GSR: variants seen among roughly 807,000 people sequenced by gnomAD.
GSR encodes the protein glutathione reductase, mitochondrial.
A neutral mutation model predicts 56.5 loss-of-function variants in GSR; 48 were observed. That is an observed-to-expected ratio of 0.85 (90% CI 0.67 to 1.08). GSR has a LOEUF of 1.08. Ranked by LOEUF, GSR falls within the 50% of genes least tolerant of loss-of-function variation. The pLI is 0.00. For synonymous variants in GSR, 264 were observed against 270.8 expected (o/e 0.97, Z 0.25); for missense variants, 694 against 703.3 (o/e 0.99, Z 0.15).
intron 9 of GSR, among the ~76,000 whole-genome samples, chr8:30,686,553 G>A (rs770129807): frequency 1.3e-5 from 2 of 151,930 alleles, no homozygotes; most frequent in African/African-American, 2.4e-5. Flanking sequence ...CAGGTGTGGT[G>A]GACCACGCCT....
chr8:30,696,316 A>C lies in GSR; in HGVS notation c.795+64T>G. ...CACCCTAGTATTTAACGACAACATAAGAAAAAATTCTTCATTTTTTAAATT... is the reference window on the plus strand; with the variant it reads ...CACCCTAGTATTTAACGACAACATACGAAAAAATTCTTCATTTTTTAAATT... On this transcript the variant is annotated intron_variant, in intron 7 of 12. Transcript: ENST00000221130. The C allele has an allele frequency of 4.4e-6, 5 of 1,137,518 alleles. No individual in the cohort carries two copies. In the Admixed American group the frequency reaches 8.4e-5, roughly 19 times the overall value. 70.5% of individuals were successfully genotyped at this position (1,137,518 alleles called of 1,614,324 possible).
At chr8:30,682,541 T>A (rs999152285) in intron 10 of GSR, among the ~76,000 whole-genome samples, 2 of 152,220 alleles carry the variant, frequency 1.3e-5, no homozygotes, top group Non-Finnish European at 2.9e-5. Context: ...ATTATATATA[T>A]GCAAATATTC....
chr8:30,687,844 T>A (rs758216278), intron 9 of GSR, among the ~76,000 whole-genome samples: 1 of 152,206 alleles, frequency 6.6e-6, no homozygotes. Context: ...TTACTTTGCA[T>A]GCACTTTTTC....
intron 6 of GSR, among the ~76,000 whole-genome samples, chr8:30,699,106 C>T (rs970967551): frequency 2.6e-5 from 4 of 151,936 alleles, no homozygotes; most frequent in African/African-American, 9.7e-5. Context: ...GACAACAGAA[C>T]GAGACCCCAT....
chr8:30,703,060 C>A (rs1276675450), intron 5 of GSR, 33 bp downstream of exon 5: 2 of 1,608,542 alleles, frequency 1.2e-6, no homozygotes, highest in Non-Finnish European at 1.7e-6. Flanking sequence ...AAACTCCTGA[C>A]TGCTGTTAAT....
intron 3 of GSR, among the ~76,000 whole-genome samples, chr8:30,709,381 G>C (rs1804028518): frequency 6.6e-6 from 1 of 151,976 alleles, no homozygotes; most frequent in Non-Finnish European, 1.5e-5. Context: ...CAAACAAAAA[G>C]GAATGAGGTT....
intron 7 of GSR, among the ~76,000 whole-genome samples, chr8:30,695,686 T>C (rs534857540): frequency 2.0e-5 from 3 of 152,334 alleles, no homozygotes; most frequent in Admixed American, 6.5e-5. Flanking sequence ...GTAAATTGTT[T>C]AGAATGAGTG....
chr8:30,726,294 C>T (rs1804721723), intron 1 of GSR, among the ~76,000 whole-genome samples: 1 of 152,100 alleles, frequency 6.6e-6, no homozygotes, highest in African/African-American at 2.4e-5. Flanking sequence ...ACACAGAAGC[C>T]CATCCCTGTC....
At chr8:30,684,959 T>C (rs1408793228) in intron 9 of GSR, among the ~76,000 whole-genome samples, 1 of 147,162 alleles carries the variant, frequency 6.8e-6, no homozygotes, top group Admixed American at 6.9e-5. Context: ...ATTTATTTAT[T>C]TATTTATTTA....
intron 3 of GSR, among the ~76,000 whole-genome samples, chr8:30,709,129 G>A (rs1329315483): frequency 2.6e-5 from 4 of 152,074 alleles, no homozygotes; most frequent in South Asian, 4.1e-4. Flanking sequence ...AGGCTGAGGC[G>A]GGAGGATCAC....
chr8:30,705,409 C>T (rs1803887213), intron 4 of GSR, among the ~76,000 whole-genome samples: 1 of 152,078 alleles, frequency 6.6e-6, no homozygotes. Context: ...AATACAGGCG[C>T]CCGCCACCAC....
At chr8:30,699,250 C>G (rs1803648210) in intron 6 of GSR, among the ~76,000 whole-genome samples, 1 of 151,912 alleles carries the variant, frequency 6.6e-6, no homozygotes, top group Non-Finnish European at 1.5e-5. Flanking sequence ...ATGATGGCAC[C>G]ACTGCACTCC....
intron 1 of GSR, 21 bp downstream of exon 1, chr8:30,727,509 G>A: frequency 6.5e-7 from 1 of 1,534,236 alleles, no homozygotes; most frequent in Non-Finnish European, 8.7e-7. Context: ...CCCCCCGCCC[G>A]AACAAACCGG....
chr8:30,701,332 GGC>G (rs912802038), intron 5 of GSR, among the ~76,000 whole-genome samples: 1 of 152,090 alleles, frequency 6.6e-6, no homozygotes, highest in African/African-American at 2.4e-5. Context: ...TGAGTGTGGT[GGC>G]GCATGCCTGT....
intron 1 of GSR, among the ~76,000 whole-genome samples, chr8:30,722,596 TG>T (rs1458099059): frequency 2.0e-5 from 3 of 151,848 alleles, no homozygotes; most frequent in Admixed American, 6.6e-5. Context: ...GGCATGGTGG[TG>T]GCCATGTGCC....
chr8:30,703,100 C>G lies in GSR; in HGVS notation c.633G>C (p.Gln211His), dbSNP rs759328949. ...GGMPSTPHES[Q>H]IPGASLGITS... ...ACCTGTTGTATGACTCACCGGGGAT[C>G]TGGCTCTCATGAGGGGTGGAGGGCA... The change falls in exon 5 of 13, where the codon CAG (glutamine) becomes CAC (histidine). Residue 211 changes from glutamine (Q) to histidine (H), a missense_variant. Gln to His is a conservative substitution (Grantham distance 24). Coordinates refer to ENST00000221130, the MANE Select transcript of GSR (RefSeq NM_000637.5). The G allele has an allele frequency of 4.3e-6, 7 of 1,613,986 alleles. No individual in the cohort carries two copies. Among genetic ancestry groups the G allele is most frequent in the South Asian group, 1.1e-5 (1 of 91,082 alleles).
chr8:30,696,603 C>T, intron 6 of GSR, 124 bp from the exon 7 acceptor site: 1 of 720,472 alleles, frequency 1.4e-6, no homozygotes, highest in Non-Finnish European at 2.5e-6. Flanking sequence ...TCAGTTTTCC[C>T]TAAAGTTAAT....
At chr8:30,684,353 C>T in intron 9 of GSR, among the ~76,000 whole-genome samples, 154 bp from the exon 10 acceptor site, 1 of 152,184 alleles carries the variant, frequency 6.6e-6, no homozygotes. Context: ...AAGGCATTTA[C>T]AGCTGGCAAG....
intron 3 of GSR, among the ~76,000 whole-genome samples, chr8:30,709,184 C>T (rs1395809123): frequency 6.6e-6 from 1 of 151,372 alleles, no homozygotes; most frequent in East Asian, 2.0e-4. Context: ...ACAGTGAGAC[C>T]TCATCTCTAC....
Sources: gnomAD v4.1 joint callset for allele counts (sites outside exome capture counted in the v4.1 genomes callset) on GRCh38, gnomAD v4.1.1 for gene constraint, MANE v1.5 for transcripts, NCBI Gene and HGNC (gene_info 2026-07-23, HGNC 2026-07-21) for gene names.